The following SHISA6 variants were observed in gnomAD, a reference collection of about 807,000 sequenced individuals.
The protein encoded by SHISA6 is protein shisa-6.
Under a neutral mutation model 47.9 loss-of-function variants are expected in SHISA6, and 22 were observed. The observed-to-expected ratio is 0.46, with a 90% confidence interval of 0.33 to 0.66. The LOEUF is 0.66. Ranked by LOEUF, SHISA6 falls within the 30% of genes least tolerant of loss-of-function variation. The probability of loss-of-function intolerance (pLI) is 0.02; values close to 1 mark genes in which losing one functional copy is unlikely to be tolerated. For missense variants in SHISA6, 680 were observed against 764.6 expected, an observed-to-expected ratio of 0.89 and a Z score of 1.30; for synonymous variants, 388 against 337.8, an observed-to-expected ratio of 1.15 and a Z score of -1.63.
intron 2 of SHISA6, among the ~76,000 whole-genome samples, chr17:11,343,894 G>A (rs1567579230): frequency 1.3e-5 from 2 of 152,134 alleles, no homozygotes. Context: ...TCACCATGTT[G>A]GCCAGGCTCG....
At chr17:11,404,227 T>G (rs1017578245) in intron 3 of SHISA6, among the ~76,000 whole-genome samples, 6 of 152,220 alleles carry the variant, frequency 3.9e-5, no homozygotes, top group Non-Finnish European at 7.3e-5. Context: ...ATATTTTTAT[T>G]TATTCATTCG....
At chr17:11,514,657 A>G (rs566085856) in intron 3 of SHISA6, among the ~76,000 whole-genome samples, 1 of 152,308 alleles carries the variant, frequency 6.6e-6, no homozygotes, top group African/African-American at 2.4e-5. Context: ...GCAATGTCTT[A>G]TGTGGCTGAA....
chr17:11,398,903 T>G (rs542703041), intron 3 of SHISA6, among the ~76,000 whole-genome samples: 1 of 152,236 alleles, frequency 6.6e-6, no homozygotes, highest in African/African-American at 2.4e-5. Context: ...AATAGTACTT[T>G]TGATCATTCT....
At chr17:11,500,279 A>C (rs1175490755) in intron 3 of SHISA6, among the ~76,000 whole-genome samples, 1 of 152,188 alleles carries the variant, frequency 6.6e-6, no homozygotes, top group Non-Finnish European at 1.5e-5. Flanking sequence ...GGCAGTTTGG[A>C]AAAGCAGCGT....
At chr17:11,545,549 A>G (rs191836659) in intron 3 of SHISA6, among the ~76,000 whole-genome samples, 1 of 152,346 alleles carries the variant, frequency 6.6e-6, no homozygotes, top group African/African-American at 2.4e-5. Context: ...ATGAGTACAC[A>G]GGATCTTTCT....
intron 2 of SHISA6, among the ~76,000 whole-genome samples, chr17:11,316,121 G>T: frequency 6.6e-6 from 1 of 150,720 alleles, no homozygotes. Context: ...TTTATCTAAT[G>T]CTTGGAATTT....
rs200151896 is a variant in SHISA6, at chr17:11,335,921, G to A, written c.800-43493G>A. Among the ~76,000 whole-genome samples the A allele has an allele frequency of 7.9e-5, 12 of 152,216 alleles. No individual in the cohort carries two copies. The East Asian group carries it at 2.3e-3, about 29-fold the overall frequency. On this transcript the variant is annotated intron_variant, in intron 2 of 5. Coordinates refer to ENST00000441885, the MANE Select transcript of SHISA6 (RefSeq NM_207386.4). ...CTTACAAAACCACAAAGTGGGCCAGGCGTGGTGGCTCACACCTGTAGTCCC... is the reference window on the plus strand; with the variant it reads ...CTTACAAAACCACAAAGTGGGCCAGACGTGGTGGCTCACACCTGTAGTCCC...
At chr17:11,319,412 C>T (rs1275723523) in intron 2 of SHISA6, among the ~76,000 whole-genome samples, 2 of 152,124 alleles carry the variant, frequency 1.3e-5, no homozygotes, top group Non-Finnish European at 2.9e-5. Context: ...ATGGTTGTGT[C>T]TGGTGTAATA....
chr17:11,260,851 C>G (rs1171638734), intron 1 of SHISA6, among the ~76,000 whole-genome samples: 2 of 152,056 alleles, frequency 1.3e-5, no homozygotes, highest in African/African-American at 4.8e-5. Context: ...CTCTCCCTCT[C>G]TGTTTGCTAC....
At chr17:11,340,684 A>G (rs1273425090) in intron 2 of SHISA6, among the ~76,000 whole-genome samples, 5 of 152,206 alleles carry the variant, frequency 3.3e-5, no homozygotes, top group Admixed American at 6.5e-5. Context: ...GGATCCAGCT[A>G]TATTCACAGC....
At chr17:11,447,066 T>G (rs189963913) in intron 3 of SHISA6, among the ~76,000 whole-genome samples, 1 of 152,346 alleles carries the variant, frequency 6.6e-6, no homozygotes, top group East Asian at 1.9e-4. Context: ...AGGCATCTTC[T>G]TGTTTCTTCC....
chr17:11,446,325 C>A (rs1371636487), intron 3 of SHISA6, among the ~76,000 whole-genome samples: 1 of 152,168 alleles, frequency 6.6e-6, no homozygotes, highest in Non-Finnish European at 1.5e-5. Context: ...TAGAACGAAG[C>A]ACACACACAC....
At chr17:11,249,556 C>T (rs186854800) in intron 1 of SHISA6, among the ~76,000 whole-genome samples, 3 of 152,244 alleles carry the variant, frequency 2.0e-5, no homozygotes, top group Non-Finnish European at 2.9e-5. Context: ...GTGCTTGATA[C>T]TTCCTTTGAA....
chr17:11,254,980 A>C lies in SHISA6; in HGVS notation c.639-8386A>C, dbSNP rs535037647. On this transcript the variant is annotated intron_variant, in intron 1 of 5. Coordinates refer to ENST00000441885, the MANE Select transcript of SHISA6 (RefSeq NM_207386.4). ...TGTGGATCTCAGTAATTCAGATGCA[A>C]CTTAAAGATCTGGTTTCTTCTGGGA... Among the ~76,000 whole-genome samples, 33 of 152,292 alleles carry C rather than the reference A, an allele frequency of 2.2e-4. No individual in the cohort carries two copies. The South Asian group carries it at 6.2e-3, about 29-fold the overall frequency.
intron 3 of SHISA6, among the ~76,000 whole-genome samples, chr17:11,401,300 A>T (rs1277052163): frequency 3.9e-5 from 6 of 152,124 alleles, no homozygotes; most frequent in Admixed American, 2.6e-4. Flanking sequence ...GGCTCAAGTG[A>T]TCCTCCCACA....
chr17:11,557,990 T>C lies in SHISA6; in HGVS notation c.1342T>C (p.Ser448Pro). ...DRILSDEQLL[S>P]TERLHSQDPL... ...CATCCTGTCCGACGAGCAGCTGCTC[T>C]CCACGGAGCGCCTGCACTCCCAGGA... is the stretch of plus-strand genomic sequence containing the variant. The change falls in exon 6 of 6, where the codon TCC (serine) becomes CCC (proline). Residue 448 changes from serine to proline, a missense_variant. Transcript: ENST00000441885. 6.4e-7 allele frequency: 1 copy of C among 1,551,454 alleles called. No individual in the cohort carries two copies. The highest frequency in any genetic ancestry group is 8.7e-7 in the Non-Finnish European group (1 of 1,146,934).
intron 3 of SHISA6, among the ~76,000 whole-genome samples, chr17:11,445,280 C>T (rs1055931396): frequency 6.6e-6 from 1 of 152,118 alleles, no homozygotes; most frequent in Non-Finnish European, 1.5e-5. Context: ...AAAGGTCCCA[C>T]TGCCTAATAC....
At chr17:11,267,965 C>T (rs1186572530) in intron 2 of SHISA6, among the ~76,000 whole-genome samples, 1 of 152,152 alleles carries the variant, frequency 6.6e-6, no homozygotes, top group African/African-American at 2.4e-5. Context: ...TAGAGGCTTG[C>T]TGTGGGCTTG....
At chr17:11,410,609 T>C (rs1421677961) in intron 3 of SHISA6, among the ~76,000 whole-genome samples, 3 of 144,290 alleles carry the variant, frequency 2.1e-5, no homozygotes, top group East Asian at 3.9e-4. Flanking sequence ...CGCTGACTGA[T>C]AGTGTCACTA....
Sources: gnomAD v4.1 joint callset for allele counts (sites outside exome capture counted in the v4.1 genomes callset) on GRCh38, gnomAD v4.1.1 for gene constraint, MANE v1.5 for transcripts, NCBI Gene and HGNC (gene_info 2026-07-23, HGNC 2026-07-21) for gene names.